Variants in SNTB2 observed in about 807,000 individuals in gnomAD.
SNTB2 encodes the protein beta-2-syntrophin.
Under a neutral mutation model 46.2 loss-of-function variants are expected in SNTB2, and 34 were observed. The ratio of observed to expected loss-of-function variants is 0.74; its 90% CI spans 0.56 to 0.98. The LOEUF (loss-of-function observed/expected upper bound fraction) is 0.98. SNTB2 is among the 50% of genes least tolerant of loss of function. SNTB2 has a pLI of 0.00. For synonymous variants in SNTB2, 290 were observed against 312.6 expected (o/e 0.93, Z 0.76); for missense variants, 603 against 731.4 (o/e 0.82, Z 2.02).
intron 1 of SNTB2, among the ~76,000 whole-genome samples, chr16:69,195,600 T>A (rs1964097741): frequency 6.6e-6 from 1 of 152,128 alleles, no homozygotes; most frequent in Non-Finnish European, 1.5e-5. Flanking sequence ...TTATCTTGGC[T>A]GCAACATCTC....
chr16:69,299,714 G>T lies in SNTB2; in HGVS notation c.1470G>T (p.Met490Ile), dbSNP rs202121612. The stretch of plus-strand genomic sequence containing the variant: ...GCTACCCCTTTGAAAGGCTGAAGAT[G>T]TCTGCTGATGATGGCATCCGAAATC... ...LYRYPFERLK[M>I]SADDGIRNLY... The change falls in exon 6 of 7, where the codon ATG (methionine) becomes ATT (isoleucine). Residue 490 changes from methionine to isoleucine, a missense_variant. Coordinates refer to ENST00000336278, the MANE Select transcript of SNTB2 (RefSeq NM_006750.4). The T allele has an allele frequency of 1.9e-6, 3 of 1,614,174 alleles. No homozygotes were observed. The highest frequency in any genetic ancestry group is 2.5e-6 in the Non-Finnish European group (3 of 1,180,026).
chr16:69,237,907 A>G (rs1021274979), intron 1 of SNTB2, among the ~76,000 whole-genome samples: 10 of 152,264 alleles, frequency 6.6e-5, no homozygotes, highest in Admixed American at 2.6e-4. Flanking sequence ...CTGTTAAGCC[A>G]GTATTTCTAT....
intron 1 of SNTB2, among the ~76,000 whole-genome samples, chr16:69,227,364 C>T (rs1036889926): frequency 6.6e-6 from 1 of 152,086 alleles, no homozygotes; most frequent in Non-Finnish European, 1.5e-5. Context: ...CCTTTGTATG[C>T]GTATTGTTAC....
intron 5 of SNTB2, among the ~76,000 whole-genome samples, chr16:69,297,654 A>G (rs1261292577): frequency 1.3e-5 from 2 of 150,602 alleles, no homozygotes; most frequent in Admixed American, 6.6e-5. Context: ...GCTCACGCCT[A>G]TAATCCCCAC....
intron 2 of SNTB2, among the ~76,000 whole-genome samples, chr16:69,251,655 G>A (rs1031226169): frequency 2.0e-5 from 3 of 151,808 alleles, no homozygotes; most frequent in Middle Eastern, 3.4e-3. Context: ...GCTCATGCCT[G>A]TAATCCCAGC....
At chr16:69,264,114 T>C (rs1326186584) in intron 3 of SNTB2, among the ~76,000 whole-genome samples, 1 of 152,136 alleles carries the variant, frequency 6.6e-6, no homozygotes, top group Non-Finnish European at 1.5e-5. Flanking sequence ...TTCTCATTAA[T>C]GCCCAGGCCT....
rs942986345 is a variant in SNTB2, at chr16:69,307,367, C to A, written c.*6443C>A. The A allele has an allele frequency of 2.6e-5, 4 of 152,152 alleles. No individual in the cohort carries two copies. Among genetic ancestry groups the A allele is most frequent in the Non-Finnish European group, 4.4e-5 (3 of 68,036 alleles). 9.4% of individuals were successfully genotyped at this position (152,152 alleles called of 1,614,324 possible). Reference sequence around the variant, plus strand: ...GCACATTTAAGTAGGCTGGTCTTTTCATCATGCATGATTTTTTTTTTAGTG... The same window carrying A: ...GCACATTTAAGTAGGCTGGTCTTTTAATCATGCATGATTTTTTTTTTAGTG... On this transcript the variant is annotated 3_prime_UTR_variant, in exon 7 of 7. Coordinates refer to ENST00000336278, the MANE Select transcript of SNTB2 (RefSeq NM_006750.4).
At chr16:69,264,684 A>G (rs1964868400) in intron 3 of SNTB2, among the ~76,000 whole-genome samples, 1 of 152,162 alleles carries the variant, frequency 6.6e-6, no homozygotes, top group Non-Finnish European at 1.5e-5. Flanking sequence ...GAAGTACGTG[A>G]ACCTCCAAAG....
chr16:69,237,216 G>C (rs1455306788), intron 1 of SNTB2, among the ~76,000 whole-genome samples: 1 of 151,928 alleles, frequency 6.6e-6, no homozygotes, highest in Non-Finnish European at 1.5e-5. Context: ...CAGAGCCTTA[G>C]GAAACACCTG....
At chr16:69,232,411 T>G (rs559284146) in intron 1 of SNTB2, among the ~76,000 whole-genome samples, 1 of 151,208 alleles carries the variant, frequency 6.6e-6, no homozygotes, top group South Asian at 2.1e-4. Flanking sequence ...TTCACCATGT[T>G]AGCCAGGATG....
At position 69,284,186 on chromosome 16, in the gene SNTB2, C is replaced by T; in HGVS notation, c.1287C>T (p.Thr429=). 2 of 1,613,968 alleles carry T rather than the reference C, an allele frequency of 1.2e-6. No individual in the cohort carries two copies. The highest frequency in any genetic ancestry group is 8.5e-7 in the Non-Finnish European group (1 of 1,179,986). Residue 429 remains threonine (T), a synonymous_variant, in exon 5 of 7, where the codon ACC becomes ACT. Coordinates refer to ENST00000336278, the MANE Select transcript of SNTB2 (RefSeq NM_006750.4). ...CACATCGGGATCTGTCATCCTGGACCAGGATACTTGTTCAGGGTTGCCATG... is the reference window on the plus strand; with the variant it reads ...CACATCGGGATCTGTCATCCTGGACTAGGATACTTGTTCAGGGTTGCCATG... ...VETHRDLSSW[T]RILVQGCHAA... is the part of the protein sequence containing the mutation.
chr16:69,287,485 G>T (rs1400080455), intron 5 of SNTB2, among the ~76,000 whole-genome samples: 3 of 152,114 alleles, frequency 2.0e-5, no homozygotes, highest in Admixed American at 2.0e-4. Flanking sequence ...CATGAGAATT[G>T]CTTGAACCCG....
chr16:69,228,269 G>A (rs1481130523), intron 1 of SNTB2, among the ~76,000 whole-genome samples: 1 of 151,990 alleles, frequency 6.6e-6, no homozygotes, highest in East Asian at 1.9e-4. Context: ...ACTTTGGGAG[G>A]CTGACGAGTG....
At chr16:69,231,787 G>C (rs1350496521) in intron 1 of SNTB2, among the ~76,000 whole-genome samples, 1 of 152,094 alleles carries the variant, frequency 6.6e-6, no homozygotes, top group Admixed American at 6.5e-5. Context: ...ACTGGTAGCT[G>C]TCTTCCTTAC....
At chr16:69,235,707 G>A (rs1964553021) in intron 1 of SNTB2, 1 of 1,286,084 alleles carries the variant, frequency 7.8e-7, no homozygotes, top group South Asian at 1.2e-5. Context: ...TATCCCCAGG[G>A]CTAACAACAT....
intron 4 of SNTB2, among the ~76,000 whole-genome samples, chr16:69,280,450 G>A (rs1456749878): frequency 2.8e-5 from 4 of 142,848 alleles, no homozygotes; most frequent in African/African-American, 5.3e-5. Context: ...GGGCAGAGGC[G>A]CCCCTCACCT....
chr16:69,300,160 G>C (rs1447633645), intron 6 of SNTB2, among the ~76,000 whole-genome samples: 1 of 152,038 alleles, frequency 6.6e-6, no homozygotes, highest in Non-Finnish European at 1.5e-5. Flanking sequence ...GGCCTCCCAA[G>C]GTGTTGAGAT....
chr16:69,208,898 A>C (rs1964251247), intron 1 of SNTB2, among the ~76,000 whole-genome samples: 1 of 152,134 alleles, frequency 6.6e-6, no homozygotes, highest in Non-Finnish European at 1.5e-5. Context: ...TTCTGTACCT[A>C]GCATAGTACC....
intron 4 of SNTB2, among the ~76,000 whole-genome samples, chr16:69,273,102 G>A (rs1386839069): frequency 6.6e-6 from 1 of 152,120 alleles, no homozygotes; most frequent in Non-Finnish European, 1.5e-5. Flanking sequence ...GAACAACGAC[G>A]TGGAGAAAAT....
Sources: gnomAD v4.1 joint callset for allele counts (sites outside exome capture counted in the v4.1 genomes callset) on GRCh38, gnomAD v4.1.1 for gene constraint, MANE v1.5 for transcripts, NCBI Gene and HGNC (gene_info 2026-07-23, HGNC 2026-07-21) for gene names.